KMT2E: variants seen among roughly 807,000 people sequenced by gnomAD.
KMT2E encodes the protein histone reader KMT2E.
A neutral mutation model predicts 184.6 loss-of-function variants in KMT2E; 30 were observed. That is an observed-to-expected ratio of 0.16 (90% CI 0.12 to 0.22). The LOEUF is 0.22. Ranked by LOEUF, KMT2E falls within the 10% of genes least tolerant of loss-of-function variation. The pLI is 1.00. For synonymous variants in KMT2E, 815 were observed against 776.5 expected (o/e 1.05, Z -0.82); for missense variants, 2,023 against 2,237.4 (o/e 0.90, Z 1.93).
At position 105,077,312 on chromosome 7, in the gene KMT2E, C is replaced by A; in HGVS notation, c.1009C>A (p.Gln337Lys). Residue 337 changes from glutamine to lysine, a missense_variant, in exon 11 of 27, where the codon CAA (glutamine) becomes AAA (lysine). Around this residue, in one of 8 missense-constraint regions of KMT2E, gnomAD observed 191 missense variants for 209.0 expected, o/e 0.91. Coordinates refer to ENST00000311117, the MANE Select transcript of KMT2E (RefSeq NM_182931.3). Reference sequence around the variant, plus strand: ...TTTACTCTGATTTTAGAGCCATATACAAAAGAATAAGAAAATTCTTAAATC... The same window carrying A: ...TTTACTCTGATTTTAGAGCCATATAAAAAAGAATAAGAAAATTCTTAAATC... The part of the protein sequence containing the change: ...LFKPPVESHI[Q>K]KNKKILKSAK... 1.9e-6 allele frequency: 3 copies of A among 1,609,156 alleles called. No homozygotes were observed. The highest frequency in any genetic ancestry group is 2.5e-6 in the Non-Finnish European group (3 of 1,176,832).
chr7:105,035,022 A>ATT (rs981054177), intron 1 of KMT2E, among the ~76,000 whole-genome samples: 38 of 129,708 alleles, frequency 2.9e-4, no homozygotes, highest in South Asian at 4.9e-4. Context: ...CACCTGGCTA[A>ATT]TTTTTTTTTT....
intron 26 of KMT2E, among the ~76,000 whole-genome samples, chr7:105,111,339 C>A (rs998572633): frequency 6.6e-6 from 1 of 151,234 alleles, no homozygotes; most frequent in African/African-American, 2.4e-5. Flanking sequence ...GACATTTAAA[C>A]AGTCTTATAC....
At chr7:105,098,125 T>C (rs563086872) in intron 15 of KMT2E, among the ~76,000 whole-genome samples, 118 of 152,314 alleles carry the variant, frequency 7.7e-4, no homozygotes, top group Non-Finnish European at 1.3e-3. Flanking sequence ...ATCTTTGTTA[T>C]ATAAAAGGGT....
intron 13 of KMT2E, among the ~76,000 whole-genome samples, chr7:105,088,019 T>A (rs1798053656): frequency 6.6e-6 from 1 of 152,170 alleles, no homozygotes; most frequent in Admixed American, 6.5e-5. Context: ...TTTCTACTGA[T>A]TATTGCAGTC....
chr7:105,054,735 G>T (rs551843063), intron 3 of KMT2E, among the ~76,000 whole-genome samples: 5 of 152,074 alleles, frequency 3.3e-5, no homozygotes, highest in Admixed American at 2.6e-4. Context: ...GCTTGATCTC[G>T]AACTCCTGAC....
chr7:105,107,392 T>C lies in KMT2E; in HGVS notation c.2935T>C (p.Leu979=). 5.6e-6 allele frequency: 9 copies of C among 1,603,800 alleles called. No individual in the cohort carries two copies. The highest frequency in any genetic ancestry group is 3.3e-4 in the Middle Eastern group (2 of 5,986). Residue 979 remains leucine (L), a synonymous_variant, in exon 22 of 27, where the codon TTG becomes CTG. Transcript: ENST00000311117. ...GYDRSSTMLT[L]GPFRNSNLTE... Reference sequence around the variant, plus strand: ...TGACAGATCTTCAACCATGTTAACATTGGGGCCTTTTAGAAATTCTAATTT... The same window carrying C: ...TGACAGATCTTCAACCATGTTAACACTGGGGCCTTTTAGAAATTCTAATTT...
chr7:105,113,173 C>T lies in KMT2E; in HGVS notation c.5417C>T (p.Pro1806Leu), dbSNP rs370922692. The T allele has an allele frequency of 7.4e-6, 12 of 1,614,096 alleles. No individual in the cohort carries two copies. The highest frequency in any genetic ancestry group is 9.3e-6 in the Non-Finnish European group (11 of 1,180,052). ...QPQGPNSIPTPTASGFCPHPG... is the reference protein window; with the variant it reads ...QPQGPNSIPTLTASGFCPHPG... ...CAAGGACCAAACAGTATTCCAACAC[C>T]TACTGCTTCAGGGTTCTGTCCTCAT... Residue 1806 changes from proline (P) to leucine (L), a missense_variant, in exon 27 of 27, where the codon CCT becomes CTT. Physicochemically the swap from Pro to Leu is moderately conservative, Grantham distance 98. Around this residue, in one of 8 missense-constraint regions of KMT2E, gnomAD observed 1,108 missense variants for 1,050.9 expected, o/e 1.05. Coordinates refer to ENST00000311117, the MANE Select transcript of KMT2E (RefSeq NM_182931.3).
At chr7:105,111,563 T>G (rs1248903789) in intron 26 of KMT2E, among the ~76,000 whole-genome samples, 3 of 151,968 alleles carry the variant, frequency 2.0e-5, no homozygotes, top group Non-Finnish European at 2.9e-5. Flanking sequence ...CAGAGTAAAG[T>G]GAAAGAAAAT....
At chr7:105,025,581 C>T (rs934136389) in intron 1 of KMT2E, among the ~76,000 whole-genome samples, 4 of 152,002 alleles carry the variant, frequency 2.6e-5, no homozygotes, top group Admixed American at 2.6e-4. Context: ...TACTAATGTC[C>T]ATGTATGTTG....
At chr7:105,073,399 GAA>G (rs35148101) in intron 6 of KMT2E, among the ~76,000 whole-genome samples, 1,135 of 112,416 alleles carry the variant, frequency 0.01, 11 homozygotes, top group African/African-American at 0.033. Flanking sequence ...CCTGTCTGGG[GAA>G]AAAAAAAAAA....
chr7:105,112,003 C>G lies in KMT2E; in HGVS notation c.4247C>G (p.Pro1416Arg), dbSNP rs762349452. 13 of 1,614,074 alleles carry G rather than the reference C, an allele frequency of 8.1e-6. No individual in the cohort carries two copies. Among genetic ancestry groups the G allele is most frequent in the Non-Finnish European group, 1.1e-5 (13 of 1,180,034 alleles). The change falls in exon 27 of 27, where the codon CCT becomes CGT. Residue 1416 changes from proline (P) to arginine (R), a missense_variant. Physicochemically the swap from Pro to Arg is moderately radical, Grantham distance 103. This residue lies in a region of KMT2E where 1,108 missense variants were observed against 1,050.9 expected (regional missense o/e 1.05). Coordinates refer to ENST00000311117, the MANE Select transcript of KMT2E (RefSeq NM_182931.3). ...NNNQALSKNH[P>R]PQTHVRNSSE... The stretch of plus-strand genomic sequence containing the variant: ...AACCAAGCACTTTCAAAGAATCATC[C>G]TCCTCAGACACACGTTCGTAATTCA...
In KMT2E at chr7:105,101,413, T is replaced by A; in HGVS notation, c.1723-12T>A. 1 of 1,509,328 alleles carries A rather than the reference T, an allele frequency of 6.6e-7. No individual in the cohort carries two copies. Among genetic ancestry groups the A allele is most frequent in the Non-Finnish European group, 8.8e-7 (1 of 1,138,146 alleles). 93.5% of individuals were successfully genotyped at this position (1,509,328 alleles called of 1,614,324 possible). ...GATATTTATGATGTCACTTAAAATT[T>A]AAATTTCATAGACAAGAGAAGAAAG... is the stretch of plus-strand genomic sequence containing the variant. On this transcript the variant is annotated splice_polypyrimidine_tract_variant and intron_variant, in intron 15 of 26. Transcript: ENST00000311117.
intron 5 of KMT2E, chr7:105,064,087 C>T (rs1302454019): frequency 2.3e-6 from 1 of 429,886 alleles, no homozygotes; most frequent in South Asian, 1.6e-5. Flanking sequence ...CTGGTTCAGC[C>T]ACCAAGAAAG....
At chr7:105,096,474 C>T (rs1490823412) in intron 15 of KMT2E, among the ~76,000 whole-genome samples, 2 of 152,002 alleles carry the variant, frequency 1.3e-5, no homozygotes, top group Non-Finnish European at 2.9e-5. Flanking sequence ...AAAGGACGGA[C>T]ATTTGAGAAA....
intron 1 of KMT2E, among the ~76,000 whole-genome samples, chr7:105,017,851 G>A (rs533271487): frequency 9.9e-5 from 15 of 152,262 alleles, no homozygotes; most frequent in Admixed American, 6.5e-4. Flanking sequence ...TCCAGTTTAA[G>A]TGTAGAGCCT....
chr7:105,077,355 C>G lies in KMT2E; in HGVS notation c.1052C>G (p.Pro351Arg), dbSNP rs756973059. Residue 351 changes from proline to arginine, a missense_variant, in exon 11 of 27, where the codon CCT becomes CGT. By Grantham distance (103) the Pro-to-Arg change is moderately radical. Coordinates refer to ENST00000311117, the MANE Select transcript of KMT2E (RefSeq NM_182931.3). ...KILKSAKDLP[P>R]DALIIEYRGK... ...CTTAAATCTGCAAAAGATTTGCCTCCTGATGCACTTATCATTGAATACAGA... is the reference window on the plus strand; with the variant it reads ...CTTAAATCTGCAAAAGATTTGCCTCGTGATGCACTTATCATTGAATACAGA... 3.1e-6 allele frequency: 5 copies of G among 1,610,270 alleles called. No homozygotes were observed. In the East Asian group the frequency reaches 1.1e-4, roughly 36 times the overall value.
intron 22 of KMT2E, 82 bp downstream of exon 22, chr7:105,108,007 A>C: frequency 1.1e-6 from 1 of 907,912 alleles, no homozygotes; most frequent in South Asian, 2.1e-5. Context: ...TGTTAGATGT[A>C]TTATGTAAGG....
chr7:105,078,620 G>T (rs1192335298), intron 11 of KMT2E, among the ~76,000 whole-genome samples: 1 of 147,540 alleles, frequency 6.8e-6, no homozygotes. Flanking sequence ...AGCTTCCCAG[G>T]TAGCTGGGAC....
chr7:105,095,306 A>T (rs1403236439), intron 15 of KMT2E, among the ~76,000 whole-genome samples: 3 of 152,156 alleles, frequency 2.0e-5, no homozygotes, highest in Non-Finnish European at 2.9e-5. Context: ...TATATTTATG[A>T]TGGACCTTTT....
Sources: gnomAD v4.1 joint callset for allele counts (sites outside exome capture counted in the v4.1 genomes callset) on GRCh38, gnomAD v4.1.1 for gene constraint, gnomAD v4.1.1 regional missense constraint, MANE v1.5 for transcripts, NCBI Gene and HGNC (gene_info 2026-07-23, HGNC 2026-07-21) for gene names.